Variants in FGF12 observed in about 807,000 individuals in gnomAD.
FGF12 encodes the protein fibroblast growth factor 12.
Under a neutral mutation model 23.6 loss-of-function variants are expected in FGF12, and 14 were observed. That is an observed-to-expected ratio of 0.59 (90% CI 0.39 to 0.93). FGF12 has a LOEUF of 0.93. FGF12 is among the 40% of genes least tolerant of loss of function. The pLI is 0.00. For missense variants in FGF12, 175 were observed against 217.8 expected (o/e 0.80, Z 1.24); for synonymous variants, 62 against 77.3 (o/e 0.80, Z 1.04).
At chr3:192,709,457 A>G (rs1281841309) in intron 2 of FGF12, among the ~76,000 whole-genome samples, 1 of 152,198 alleles carries the variant, frequency 6.6e-6, no homozygotes, top group Admixed American at 6.5e-5. Flanking sequence ...TACTGATTAA[A>G]ATTTCAGTCA....
chr3:192,584,321 C>T (rs1433487146), intron 2 of FGF12, among the ~76,000 whole-genome samples: 1 of 151,816 alleles, frequency 6.6e-6, no homozygotes, highest in Non-Finnish European at 1.5e-5. Flanking sequence ...TAAATTTGCA[C>T]CAATTAAGAA....
chr3:192,339,918 G>GT (rs1717614226), intron 3 of FGF12, among the ~76,000 whole-genome samples: 1 of 152,096 alleles, frequency 6.6e-6, no homozygotes, highest in Non-Finnish European at 1.5e-5. Context: ...ACAAAAACAC[G>GT]TTATTTCCAG....
At chr3:192,323,020 GA>G (rs1716631284) in intron 4 of FGF12, among the ~76,000 whole-genome samples, 1 of 152,156 alleles carries the variant, frequency 6.6e-6, no homozygotes, top group African/African-American at 2.4e-5. Flanking sequence ...GCTATGATGG[GA>G]TATCATGTCA....
At chr3:192,146,742 A>G (rs1713746922) in intron 5 of FGF12, among the ~76,000 whole-genome samples, 1 of 152,096 alleles carries the variant, frequency 6.6e-6, no homozygotes, top group Non-Finnish European at 1.5e-5. Context: ...GTGTCAACAC[A>G]CAATGTTACT....
chr3:192,430,518 G>T (rs977029017), intron 2 of FGF12, among the ~76,000 whole-genome samples: 5 of 152,142 alleles, frequency 3.3e-5, no homozygotes, highest in African/African-American at 1.2e-4. Context: ...TTATCTCAAT[G>T]AAAAATAAAG....
chr3:192,157,208 A>C (rs1404827753), intron 5 of FGF12, among the ~76,000 whole-genome samples: 1 of 152,256 alleles, frequency 6.6e-6, no homozygotes, highest in Non-Finnish European at 1.5e-5. Flanking sequence ...CAGGTGACCC[A>C]GCACAGTGAA....
chr3:192,201,359 G>T (rs1000420368), intron 4 of FGF12, among the ~76,000 whole-genome samples: 1 of 152,198 alleles, frequency 6.6e-6, no homozygotes, highest in Non-Finnish European at 1.5e-5. Context: ...AAAGGGGCAG[G>T]CAAGGGCAAA....
intron 2 of FGF12, among the ~76,000 whole-genome samples, chr3:192,524,126 A>G (rs535158280): frequency 2.0e-5 from 3 of 152,314 alleles, no homozygotes; most frequent in African/African-American, 7.2e-5. Flanking sequence ...CAGGGCTGCA[A>G]CTAAGTGGCT....
chr3:192,453,693 T>C (rs1722594194), intron 2 of FGF12, among the ~76,000 whole-genome samples: 1 of 152,182 alleles, frequency 6.6e-6, no homozygotes, highest in South Asian at 2.1e-4. Context: ...CTTTTGCTTG[T>C]TTTATTGGGG....
At chr3:192,491,237 G>A (rs1723792274) in intron 2 of FGF12, among the ~76,000 whole-genome samples, 2 of 151,940 alleles carry the variant, frequency 1.3e-5, no homozygotes, top group African/African-American at 4.8e-5. Flanking sequence ...GTTTGTATAT[G>A]TAAACACCTC....
chr3:192,709,854 A>T (rs1181931386), intron 2 of FGF12, among the ~76,000 whole-genome samples: 1 of 152,138 alleles, frequency 6.6e-6, no homozygotes. Flanking sequence ...CATCTTGAAC[A>T]CTGGTGTCTG....
At chr3:192,505,018 A>C (rs374886455) in intron 2 of FGF12, among the ~76,000 whole-genome samples, 2 of 152,188 alleles carry the variant, frequency 1.3e-5, no homozygotes, top group African/African-American at 4.8e-5. Context: ...CCAAGCCCAC[A>C]GCACACACAA....
At chr3:192,725,084 T>C (rs2108749783) in intron 2 of FGF12, among the ~76,000 whole-genome samples, 1 of 152,344 alleles carries the variant, frequency 6.6e-6, no homozygotes, top group South Asian at 2.1e-4. Flanking sequence ...ATTGCACAAA[T>C]ACACATTTCT....
chr3:192,320,959 C>T (rs1364259883), intron 4 of FGF12, among the ~76,000 whole-genome samples: 8 of 151,564 alleles, frequency 5.3e-5, no homozygotes, highest in Admixed American at 5.3e-4. Context: ...TAATAAAGAC[C>T]AGAGCAGTAG....
At chr3:192,197,659 T>G (rs34018411) in intron 4 of FGF12, among the ~76,000 whole-genome samples, 14,685 of 152,170 alleles carry the variant, frequency 0.097, 774 homozygotes, top group East Asian at 0.16. Flanking sequence ...AAAGCCCTCC[T>G]GGGGGCCGGA....
At chr3:192,373,762 G>A (rs1211911411) in intron 2 of FGF12, among the ~76,000 whole-genome samples, 1 of 152,158 alleles carries the variant, frequency 6.6e-6, no homozygotes, top group Non-Finnish European at 1.5e-5. Flanking sequence ...TGACATAGAG[G>A]CTAAGATCTC....
chr3:192,608,712 A>G (rs115019134), intron 2 of FGF12, among the ~76,000 whole-genome samples: 1,872 of 152,236 alleles, frequency 0.012, 42 homozygotes, highest in African/African-American at 0.042. Context: ...CATTATTGCT[A>G]CTTTACTGTG....
intron 2 of FGF12, among the ~76,000 whole-genome samples, chr3:192,367,699 C>A (rs1368757428): frequency 6.6e-6 from 1 of 152,166 alleles, no homozygotes; most frequent in Non-Finnish European, 1.5e-5. Context: ...TGAGGCCCCT[C>A]ATTCACTCAA....
chr3:192,450,207 G>A (rs930089952), intron 2 of FGF12, among the ~76,000 whole-genome samples: 1 of 152,076 alleles, frequency 6.6e-6, no homozygotes, highest in Non-Finnish European at 1.5e-5. Context: ...GAGAAGAAGG[G>A]AAGAAACACC....
Sources: allele counts gnomAD v4.1 joint callset (sites outside exome capture counted in the v4.1 genomes callset), GRCh38; gene constraint gnomAD v4.1.1; transcripts MANE v1.5; gene names NCBI Gene and HGNC (gene_info 2026-07-23, HGNC 2026-07-21).